PTBP3: variants seen among roughly 807,000 people sequenced by gnomAD.
The protein encoded by PTBP3 is polypyrimidine tract binding protein 3.
In PTBP3, 20 loss-of-function variants were observed where a neutral mutation model predicts 58.7. The observed-to-expected ratio is 0.34, with a 90% confidence interval of 0.24 to 0.50. PTBP3 has a LOEUF of 0.50. Among genes scored for constraint, PTBP3 ranks in the 20% least tolerant of loss-of-function variants. The pLI, the probability that PTBP3 is intolerant of heterozygous loss-of-function variation, is 0.98. For synonymous variants in PTBP3, 185 were observed against 219.8 expected (o/e 0.84, Z 1.40); for missense variants, 509 against 637.2 (o/e 0.80, Z 2.17).
At chr9:112,340,246 C>T in the PTBP3 span, among the ~76,000 whole-genome samples, 1 of 152,128 alleles carries the variant, frequency 6.6e-6, no homozygotes, top group African/African-American at 2.4e-5. Flanking sequence ...GACAATCTTC[C>T]TTTTGTTTCT....
chr9:112,218,105 A>C (rs901276387), downstream of PTBP3: 1 of 152,216 alleles, frequency 6.6e-6, no homozygotes, highest in Admixed American at 6.5e-5. Flanking sequence ...ATGGGGAGAA[A>C]GAGAGAAAGA....
At chr9:112,368,395 T>C in the PTBP3 span, among the ~76,000 whole-genome samples, 1 of 152,204 alleles carries the variant, frequency 6.6e-6, no homozygotes, top group African/African-American at 2.4e-5. Flanking sequence ...GGTCTCGAAC[T>C]CCTGACCTCA....
the PTBP3 span, chr9:112,379,858 G>T: frequency 1.9e-6 from 1 of 525,004 alleles, no homozygotes; most frequent in Admixed American, 3.9e-5. Flanking sequence ...GCCGACAGGA[G>T]CCTGATTGTC....
At position 112,234,888 on chromosome 9, in the gene PTBP3, C is replaced by T. The variant is rs142428067; in HGVS notation, c.812G>A (p.Gly271Asp). The T allele has an allele frequency of 9.9e-6, 16 of 1,611,930 alleles. No homozygotes were observed. The highest frequency in any genetic ancestry group is 1.7e-5 in the Admixed American group (1 of 59,860). The change falls in exon 8 of 14, where the codon GGT becomes GAT. Residue 271 changes from glycine to aspartate, a missense_variant. Gly to Asp is a moderately conservative substitution (Grantham distance 94). Coordinates refer to ENST00000374257, the MANE Select transcript of PTBP3 (RefSeq NM_001163788.4). ...CCCTGCATATGGTGAAGAAATTATA[C>T]CCGGTGCACCTAATGGGAAAGAGAA... ...PPMAAAFGAP[G>D]IISSPYAGAA...
At chr9:112,340,735 C>T in the PTBP3 span, among the ~76,000 whole-genome samples, 855 of 152,150 alleles carry the variant, frequency 5.6e-3, 6 homozygotes, top group African/African-American at 0.019. Flanking sequence ...CAAAATTAGC[C>T]GGGCGTAGTG....
intron 2 of PTBP3, among the ~76,000 whole-genome samples, chr9:112,276,744 A>T (rs1827628109): frequency 6.6e-6 from 1 of 152,156 alleles, no homozygotes; most frequent in Admixed American, 6.5e-5. Context: ...GCTGTAAAGT[A>T]AAAAAATTCA....
At chr9:112,357,983 A>G in the PTBP3 span, among the ~76,000 whole-genome samples, 1 of 152,056 alleles carries the variant, frequency 6.6e-6, no homozygotes, top group Non-Finnish European at 1.5e-5. Context: ...AAAATGGTAA[A>G]TTTTATGTTA....
chr9:112,267,914 T>C (rs945280967), intron 4 of PTBP3, 135 bp downstream of exon 4: 7 of 756,592 alleles, frequency 9.3e-6, no homozygotes, highest in African/African-American at 1.8e-5. Flanking sequence ...GGGGGAAGAA[T>C]TTACATATAC....
At chr9:112,293,342 G>C (rs1305777503) in intron 2 of PTBP3, among the ~76,000 whole-genome samples, 2 of 152,132 alleles carry the variant, frequency 1.3e-5, no homozygotes, top group African/African-American at 4.8e-5. Flanking sequence ...TATGGTAACA[G>C]TAATACTAAC....
At chr9:112,351,398 G>C in the PTBP3 span, among the ~76,000 whole-genome samples, 1 of 152,114 alleles carries the variant, frequency 6.6e-6, no homozygotes, top group African/African-American at 2.4e-5. Context: ...TCATATCAAG[G>C]GTCCTATTGT....
At chr9:112,318,591 C>T (rs561733667) in intron 1 of PTBP3, among the ~76,000 whole-genome samples, 37 of 151,754 alleles carry the variant, frequency 2.4e-4, no homozygotes, top group Admixed American at 7.2e-4. Context: ...GAAACCCCAT[C>T]GTGACTAAAA....
At position 112,268,058 on chromosome 9, in the gene PTBP3, A is replaced by T. The variant is rs1395031523; in HGVS notation, c.342T>A (p.Pro114=). The T allele has an allele frequency of 6.2e-7, 1 of 1,609,204 alleles. No individual in the cohort carries two copies. The change falls in exon 4 of 14, where the codon CCT becomes CCA. Residue 114 remains proline (P), a synonymous_variant. Coordinates refer to ENST00000374257, the MANE Select transcript of PTBP3 (RefSeq NM_001163788.4). ...NHRELKTDNL[P]NQARAQAALQ... is the part of the protein sequence containing the mutation. ...CATCTTTAATACTTACAGCTTGATT[A>T]GGTAGATTGTCAGTCTTAAGTTCTC...
intron 12 of PTBP3, among the ~76,000 whole-genome samples, chr9:112,224,745 A>C (rs1395063865): frequency 2.0e-5 from 3 of 152,180 alleles, no homozygotes; most frequent in Non-Finnish European, 2.9e-5. Flanking sequence ...AACACTTTGG[A>C]TACTGTAGAA....
intron 7 of PTBP3, among the ~76,000 whole-genome samples, chr9:112,246,847 C>G (rs1835899453): frequency 6.6e-6 from 1 of 152,020 alleles, no homozygotes; most frequent in Admixed American, 6.6e-5. Context: ...AAAGCTAACA[C>G]CACAAGAAAA....
chr9:112,280,026 C>T (rs1485294843), intron 2 of PTBP3, among the ~76,000 whole-genome samples: 1 of 152,006 alleles, frequency 6.6e-6, no homozygotes, highest in Non-Finnish European at 1.5e-5. Flanking sequence ...TTTCTACATA[C>T]ACAGTTTTCT....
Position 112,251,071 on chromosome 9 carries a change from G to A in PTBP3, c.660C>T (p.Cys220=), listed in dbSNP as rs753064848. ...TGGAGAAGTCAATGCGCAGAGTGCA[G>A]CATGCATTATAGATATTCTGGCCAT... ...ALDGQNIYNA[C]CTLRIDFSKL... is the part of the protein sequence containing the mutation. Residue 220 remains cysteine (C), a synonymous_variant, in exon 7 of 14, where the codon TGC becomes TGT. Coordinates refer to ENST00000374257, the MANE Select transcript of PTBP3 (RefSeq NM_001163788.4). The A allele has an allele frequency of 6.2e-7, 1 of 1,606,670 alleles. No individual in the cohort carries two copies. The highest frequency in any genetic ancestry group is 8.5e-7 in the Non-Finnish European group (1 of 1,176,566).
intron 1 of PTBP3, 50 bp downstream of exon 1, chr9:112,333,420 A>C: frequency 1.3e-6 from 2 of 1,558,562 alleles, no homozygotes; most frequent in Non-Finnish European, 1.7e-6. Context: ...AGCCGGGTGG[A>C]AGCGGCGCCA....
At chr9:112,322,027 T>G (rs544446339) in intron 1 of PTBP3, among the ~76,000 whole-genome samples, 1 of 143,642 alleles carries the variant, frequency 7.0e-6, no homozygotes, top group Admixed American at 7.5e-5. Context: ...CTCAGCTACT[T>G]GGGAGGCTGA....
Position 112,227,524 on chromosome 9 carries a change from T to C in PTBP3, c.1251A>G (p.Gln417=). The change falls in exon 12 of 14, where the codon CAA becomes CAG. Residue 417 remains glutamine, a synonymous_variant. Coordinates refer to ENST00000374257, the MANE Select transcript of PTBP3 (RefSeq NM_001163788.4). The part of the protein sequence containing the change: ...VQLPREGQED[Q]GLTKDFSNSP... ...TATTGCTGAAATCCTTAGTCAGACC[T>C]TGGTCTTCTTGTCCCTCTCGAGGAA... 1 of 1,614,002 alleles carries C rather than the reference T, an allele frequency of 6.2e-7. No individual in the cohort carries two copies. The highest frequency in any genetic ancestry group is 8.5e-7 in the Non-Finnish European group (1 of 1,179,924).
Sources: allele counts gnomAD v4.1 joint callset (sites outside exome capture counted in the v4.1 genomes callset), GRCh38; gene constraint gnomAD v4.1.1; transcripts MANE v1.5; gene names NCBI Gene and HGNC (gene_info 2026-07-23, HGNC 2026-07-21).